Variants in ZNF112 observed in about 807,000 individuals in gnomAD.
ZNF112 encodes zinc finger protein 112.
In ZNF112, 37 loss-of-function variants were observed where a neutral mutation model predicts 77.7. That is an observed-to-expected ratio of 0.48 (90% CI 0.37 to 0.63). The LOEUF is 0.63. Among genes scored for constraint, ZNF112 ranks in the 20% least tolerant of loss-of-function variants. The pLI, the probability that ZNF112 is intolerant of heterozygous loss-of-function variation, is 0.00. For missense variants in ZNF112, 950 were observed against 1,077.4 expected (o/e 0.88, Z 1.66); for synonymous variants, 333 against 363.6 (o/e 0.92, Z 0.96).
At position 44,328,738 on chromosome 19, in the gene ZNF112, G is replaced by A. The variant is rs368998978; in HGVS notation, c.1419C>T (p.Ser473=). 2 of 1,614,002 alleles carry A rather than the reference G, an allele frequency of 1.2e-6. No individual in the cohort carries two copies. Among genetic ancestry groups the A allele is most frequent in the Non-Finnish European group, 1.7e-6 (2 of 1,179,936 alleles). Residue 473 remains serine, a synonymous_variant, in exon 4 of 4, where the codon AGC becomes AGT. Coordinates refer to ENST00000354340, the MANE Select transcript of ZNF112 (RefSeq NM_013380.4). ...QPYKRYVCSN[S]FSHNLYLQGH... ...CTTGAAGATATAAATTATGGCTGAA[G>A]CTGTTACTACACACATAGCGTTTAT...
chr19:44,351,366 T>C (rs1005578922), intron 1 of ZNF112, among the ~76,000 whole-genome samples: 1 of 152,132 alleles, frequency 6.6e-6, no homozygotes, highest in Admixed American at 6.5e-5. Context: ...CTATTCAGTT[T>C]ACCACATCTT....
intron 3 of ZNF112, among the ~76,000 whole-genome samples, chr19:44,335,559 C>G (rs899451966): frequency 6.6e-6 from 1 of 152,194 alleles, no homozygotes; most frequent in Non-Finnish European, 1.5e-5. Context: ...TAGACTGGCA[C>G]AGCATGGCCT....
At chr19:44,330,141 G>C (rs2123143391) in intron 3 of ZNF112, among the ~76,000 whole-genome samples, 1 of 152,204 alleles carries the variant, frequency 6.6e-6, no homozygotes. Flanking sequence ...TCTGAAATGT[G>C]AAATGCTCCA....
chr19:44,337,365 T>TA lies in ZNF112; in HGVS notation c.125-648_125-647insT, dbSNP rs1168655916. ...TTGTATATGTGTAAAATATATATTA[T>TA]TATATATATTTTATATATAATAATA... On this transcript the variant is annotated intron_variant, in intron 2 of 3. Coordinates refer to ENST00000354340, the MANE Select transcript of ZNF112 (RefSeq NM_013380.4). 3.6e-4 allele frequency among the ~76,000 whole-genome samples: 21 copies of TA among 59,036 alleles called. 1 individual carries two copies. The highest frequency in any genetic ancestry group is 1.0e-3 in the South Asian group (2 of 1,964). 38.7% of individuals were successfully genotyped at this position (59,036 alleles called of 152,430 possible).
At chr19:44,330,893 T>C (rs1970258589) in intron 3 of ZNF112, among the ~76,000 whole-genome samples, 1 of 152,240 alleles carries the variant, frequency 6.6e-6, no homozygotes, top group Admixed American at 6.5e-5. Context: ...CTTTTTTGTC[T>C]GGCACATAAA....
At chr19:44,337,346 ATGTG>A (rs1231382733) in intron 2 of ZNF112, among the ~76,000 whole-genome samples, 2 of 52,852 alleles carry the variant, frequency 3.8e-5, no homozygotes, top group African/African-American at 1.6e-4. Flanking sequence ...CATTTTGTAT[ATGTG>A]TAAAATATAT....
chr19:44,358,025 A>G (rs1210364179), upstream of ZNF112, among the ~76,000 whole-genome samples: 1 of 151,960 alleles, frequency 6.6e-6, no homozygotes, highest in Non-Finnish European at 1.5e-5. Context: ...GGTGGCGGGC[A>G]CCTGTAGTCC....
chr19:44,351,404 T>A (rs1376792748), intron 1 of ZNF112, among the ~76,000 whole-genome samples: 1 of 152,156 alleles, frequency 6.6e-6, no homozygotes, highest in Non-Finnish European at 1.5e-5. Context: ...ACAATTAAAA[T>A]CATTTGCTTA....
upstream of ZNF112, among the ~76,000 whole-genome samples, chr19:44,359,776 T>G (rs1009631788): frequency 6.6e-6 from 1 of 152,186 alleles, no homozygotes; most frequent in South Asian, 2.1e-4. Context: ...AAGTAATCCA[T>G]AGATAAAAGA....
At position 44,329,759 on chromosome 19, in the gene ZNF112, G is replaced by C. The variant is rs777577597; in HGVS notation, c.398C>G (p.Ser133Cys). ...TATTCCTGCCCAAACCTGGCCGAGGGAATTACCTTGTTCTTGCAACTGAGA... is the reference window on the plus strand; with the variant it reads ...TATTCCTGCCCAAACCTGGCCGAGGCAATTACCTTGTTCTTGCAACTGAGA... Reference protein sequence around the residue: ...KNSQLQEQGNSLGQVWAGIPV... With the variant: ...KNSQLQEQGNCLGQVWAGIPV... The change falls in exon 4 of 4, where the codon TCC becomes TGC. Residue 133 changes from serine to cysteine, a missense_variant. Ser to Cys is a moderately radical substitution (Grantham distance 112). This residue lies in a region of ZNF112 where 560 missense variants were observed against 557.3 expected (regional missense o/e 1.00). Transcript: ENST00000354340. 3.7e-6 allele frequency: 6 copies of C among 1,614,004 alleles called. No individual in the cohort carries two copies. In the South Asian group the frequency reaches 6.6e-5, roughly 18 times the overall value.
exon 1 of ZNF112, chr19:44,367,184 T>C: frequency 2.2e-6 from 1 of 455,206 alleles, no homozygotes; most frequent in Non-Finnish European, 4.4e-6. Context: ...CAGGCCTCAC[T>C]CAACTTCCTG....
In ZNF112 at chr19:44,329,867, A is replaced by T; in HGVS notation, c.290T>A (p.Leu97His). The change falls in exon 4 of 4, where the codon CTT becomes CAT. Residue 97 changes from leucine (L) to histidine (H), a missense_variant. Physicochemically the swap from Leu to His is moderately conservative, Grantham distance 99 (BLOSUM62 -3). Coordinates refer to ENST00000354340, the MANE Select transcript of ZNF112 (RefSeq NM_013380.4). ...VTVSYFSPKELSSRQTWQQSA... is the reference protein window; with the variant it reads ...VTVSYFSPKEHSSRQTWQQSA... ...TTGTTGCCAGGTCTGACGGGAGGAA[A>T]GCTCTTTGGGGGAAAAGTAGCTTAC... 6.2e-7 allele frequency: 1 copy of T among 1,613,974 alleles called. No individual in the cohort carries two copies. Among genetic ancestry groups the T allele is most frequent in the Non-Finnish European group, 8.5e-7 (1 of 1,179,980 alleles).
intron 1 of ZNF112, among the ~76,000 whole-genome samples, chr19:44,344,324 CTTT>C (rs1970547142): frequency 2.7e-5 from 4 of 150,410 alleles, no homozygotes; most frequent in African/African-American, 9.8e-5. Context: ...TGTTACTTTA[CTTT>C]ACTTACTGTT....
intron 2 of ZNF112, 114 bp downstream of exon 2, chr19:44,340,302 C>G: frequency 6.9e-7 from 1 of 1,440,032 alleles, no homozygotes; most frequent in South Asian, 1.4e-5. Flanking sequence ...TATTAGGACT[C>G]TCGGGCACCT....
chr19:44,340,777 C>T (rs924149091), intron 1 of ZNF112, among the ~76,000 whole-genome samples: 1 of 152,190 alleles, frequency 6.6e-6, no homozygotes, highest in African/African-American at 2.4e-5. Flanking sequence ...CTCTGGAACT[C>T]TGTTGCACCC....
chr19:44,365,365 TGGGA>T (rs1241312617), intron 1 of ZNF112, among the ~76,000 whole-genome samples: 1 of 151,916 alleles, frequency 6.6e-6, no homozygotes, highest in African/African-American at 2.4e-5. Flanking sequence ...TGAGGTGAGG[TGGGA>T]GGATCAACTG....
chr19:44,336,487 A>G (rs1970368764), intron 3 of ZNF112, 136 bp downstream of exon 3: 1 of 678,712 alleles, frequency 1.5e-6, no homozygotes, highest in African/African-American at 1.8e-5. Flanking sequence ...GACCTAATAG[A>G]CCACTTTAAG....
At chr19:44,359,836 A>G (rs1350766457), upstream of ZNF112, among the ~76,000 whole-genome samples, 1 of 152,224 alleles carries the variant, frequency 6.6e-6, no homozygotes, top group Non-Finnish European at 1.5e-5. Flanking sequence ...AAATATTTAA[A>G]GAAGAAACCA....
intron 3 of ZNF112, among the ~76,000 whole-genome samples, chr19:44,333,978 A>G (rs1319773239): frequency 6.6e-6 from 1 of 152,206 alleles, no homozygotes; most frequent in Non-Finnish European, 1.5e-5. Flanking sequence ...AAAGTTTGGA[A>G]TCTCCTAGAG....
Sources: allele counts gnomAD v4.1 joint callset (sites outside exome capture counted in the v4.1 genomes callset), GRCh38; gene constraint gnomAD v4.1.1; regional missense constraint gnomAD v4.1.1; transcripts MANE v1.5; gene names NCBI Gene and HGNC (gene_info 2026-07-23, HGNC 2026-07-21).